The following GRB14 variants were observed in gnomAD, a reference collection of about 807,000 sequenced individuals.
GRB14 encodes growth factor receptor bound protein 14, also known as growth factor receptor-bound protein 14.
Under a neutral mutation model 69.1 loss-of-function variants are expected in GRB14, and 38 were observed. The observed-to-expected ratio is 0.55, with a 90% CI of 0.42 to 0.72. The LOEUF (loss-of-function observed/expected upper bound fraction) is 0.72. GRB14 is among the 30% of genes least tolerant of loss of function. The pLI is 0.00. For synonymous variants in GRB14, 247 were observed against 241.3 expected (o/e 1.02, Z -0.22); for missense variants, 666 against 666.1 (o/e 1.00, Z 0.00).
chr2:164,573,302 G>A (rs1335903780), intron 2 of GRB14, among the ~76,000 whole-genome samples: 2 of 152,140 alleles, frequency 1.3e-5, no homozygotes, highest in Non-Finnish European at 1.5e-5. Flanking sequence ...AATCAATGTG[G>A]AAAGACTAGT....
At chr2:164,537,368 C>T (rs1688105935) in intron 3 of GRB14, among the ~76,000 whole-genome samples, 1 of 152,168 alleles carries the variant, frequency 6.6e-6, no homozygotes, top group Non-Finnish European at 1.5e-5. Flanking sequence ...GAAGGGGTTT[C>T]CTGTGACTCT....
chr2:164,560,463 T>C (rs1688793827), intron 2 of GRB14, among the ~76,000 whole-genome samples: 1 of 152,146 alleles, frequency 6.6e-6, no homozygotes, highest in African/African-American at 2.4e-5. Flanking sequence ...TTGTTAAAAC[T>C]ATGGGGTTTC....
intron 3 of GRB14, among the ~76,000 whole-genome samples, chr2:164,535,905 A>G (rs1413949614): frequency 6.6e-6 from 1 of 152,168 alleles, no homozygotes; most frequent in Non-Finnish European, 1.5e-5. Context: ...ATTAACTCCG[A>G]CCCAACCATT....
At chr2:164,620,173 C>T (rs1690420978) in intron 1 of GRB14, among the ~76,000 whole-genome samples, 1 of 150,294 alleles carries the variant, frequency 6.7e-6, no homozygotes, top group Non-Finnish European at 1.5e-5. Flanking sequence ...GAAAAATAGA[C>T]TATACAATTA....
chr2:164,607,856 G>A (rs914744911), intron 2 of GRB14, among the ~76,000 whole-genome samples: 5 of 152,020 alleles, frequency 3.3e-5, no homozygotes, highest in African/African-American at 4.8e-5. Context: ...CCAAAAGTAC[G>A]AGGCTTCTGC....
chr2:164,562,311 C>T (rs995975396), intron 2 of GRB14, among the ~76,000 whole-genome samples: 2 of 152,150 alleles, frequency 1.3e-5, no homozygotes, highest in Admixed American at 6.5e-5. Context: ...AACCACCTAT[C>T]TTGTATTTAA....
chr2:164,610,816 G>A (rs575557621), intron 2 of GRB14, among the ~76,000 whole-genome samples: 15 of 149,662 alleles, frequency 1.0e-4, no homozygotes, highest in African/African-American at 2.5e-4. Flanking sequence ...GAGACAATTC[G>A]GATTATGGTA....
chr2:164,557,803 G>A (rs1201734875), intron 2 of GRB14, among the ~76,000 whole-genome samples: 1 of 152,200 alleles, frequency 6.6e-6, no homozygotes, highest in Non-Finnish European at 1.5e-5. Flanking sequence ...CATTTCTGCA[G>A]TAAATTATAG....
chr2:164,579,514 C>T (rs928280754), intron 2 of GRB14, among the ~76,000 whole-genome samples: 1 of 37,538 alleles, frequency 2.7e-5, no homozygotes, highest in Non-Finnish European at 7.4e-5. Flanking sequence ...CACACACACA[C>T]ACACACACAC....
At chr2:164,509,851 C>T (rs1240221978) in intron 6 of GRB14, among the ~76,000 whole-genome samples, 2 of 150,860 alleles carry the variant, frequency 1.3e-5, no homozygotes, top group African/African-American at 2.4e-5. Flanking sequence ...AACGGGCAAC[C>T]CCATTCAAAT....
At chr2:164,616,375 G>A (rs1690295739) in intron 2 of GRB14, among the ~76,000 whole-genome samples, 2 of 141,610 alleles carry the variant, frequency 1.4e-5, no homozygotes, top group East Asian at 2.1e-4. Context: ...GCAGTAAGCC[G>A]AGATTGTGCC....
chr2:164,617,325 T>C (rs1271476079), intron 2 of GRB14, among the ~76,000 whole-genome samples: 1 of 152,136 alleles, frequency 6.6e-6, no homozygotes, highest in Non-Finnish European at 1.5e-5. Flanking sequence ...TACAGTGTTC[T>C]TTGAGAAGGT....
intron 13 of GRB14, among the ~76,000 whole-genome samples, chr2:164,494,139 C>A (rs934127730): frequency 6.6e-6 from 1 of 152,132 alleles, no homozygotes; most frequent in Non-Finnish European, 1.5e-5. Flanking sequence ...GAGAAAGAAG[C>A]TTTAGTGCCC....
At position 164,497,536 on chromosome 2, in the gene GRB14, T is replaced by C. The variant is rs373492246; in HGVS notation, c.1105-46A>G. On this transcript the variant is annotated intron_variant, in intron 9 of 13. Coordinates refer to ENST00000263915, the MANE Select transcript of GRB14 (RefSeq NM_004490.3). ...TGAGTTATGAAAATTTCTTTGAAAGTTATCTTTCAAATAAATTGAAAGTGT... is the reference window on the plus strand; with the variant it reads ...TGAGTTATGAAAATTTCTTTGAAAGCTATCTTTCAAATAAATTGAAAGTGT... 38 of 1,192,360 alleles carry C rather than the reference T, an allele frequency of 3.2e-5. No homozygotes were observed. In the African/African-American group the frequency reaches 4.7e-4, roughly 15 times the overall value. 73.9% of individuals were successfully genotyped at this position (1,192,360 alleles called of 1,614,324 possible).
At chr2:164,565,936 T>C (rs763988836) in intron 2 of GRB14, among the ~76,000 whole-genome samples, 23 of 152,208 alleles carry the variant, frequency 1.5e-4, no homozygotes, top group Non-Finnish European at 3.1e-4. Flanking sequence ...TTACAGCCAC[T>C]TGGATCAGAC....
intron 3 of GRB14, among the ~76,000 whole-genome samples, chr2:164,531,782 A>G (rs1426384261): frequency 5.9e-5 from 9 of 152,194 alleles, no homozygotes; most frequent in African/African-American, 2.2e-4. Flanking sequence ...AGAACCCTCT[A>G]TGAGTTGTAA....
chr2:164,612,404 G>A (rs1690188862), intron 2 of GRB14, among the ~76,000 whole-genome samples: 1 of 152,166 alleles, frequency 6.6e-6, no homozygotes, highest in African/African-American at 2.4e-5. Flanking sequence ...CAAAGAAAAG[G>A]ACAAGAATTA....
chr2:164,616,533 T>A (rs1690303194), intron 2 of GRB14, among the ~76,000 whole-genome samples: 1 of 152,190 alleles, frequency 6.6e-6, no homozygotes, highest in Non-Finnish European at 1.5e-5. Flanking sequence ...TTGGGACATT[T>A]TATTTGCAAA....
chr2:164,511,260 T>C (rs1687330444), intron 6 of GRB14, among the ~76,000 whole-genome samples: 1 of 152,208 alleles, frequency 6.6e-6, no homozygotes, highest in South Asian at 2.1e-4. Flanking sequence ...GCACACAAGC[T>C]GGTGAGCAAC....
Sources: gnomAD v4.1 joint callset for allele counts (sites outside exome capture counted in the v4.1 genomes callset) on GRCh38, gnomAD v4.1.1 for gene constraint, MANE v1.5 for transcripts, NCBI Gene and HGNC (gene_info 2026-07-23, HGNC 2026-07-21) for gene names.